The following MAST4 variants were observed in gnomAD, a reference collection of about 807,000 sequenced individuals.
The protein encoded by MAST4 is microtubule-associated serine/threonine-protein kinase 4.
MAST4 carries 89 observed loss-of-function variants against 162.7 expected under a neutral mutation model. The ratio of observed to expected loss-of-function variants is 0.55; its 90% confidence interval spans 0.46 to 0.65. MAST4 has a LOEUF of 0.65. MAST4 is among the 30% of genes least tolerant of loss of function. MAST4 has a pLI of 0.00. For missense variants in MAST4, 3,153 were observed against 3,374.0 expected (o/e 0.93, Z 1.62); for synonymous variants, 1,479 against 1,361.1 (o/e 1.09, Z -1.91).
chr5:66,817,556 TAAAG>T (rs1295072143), intron 3 of MAST4, among the ~76,000 whole-genome samples: 1 of 152,226 alleles, frequency 6.6e-6, no homozygotes, highest in African/African-American at 2.4e-5. Context: ...TTGCCTTACT[TAAAG>T]AATATTAATT....
chr5:66,664,260 A>AC (rs1473018609), intron 1 of MAST4, among the ~76,000 whole-genome samples: 1 of 151,736 alleles, frequency 6.6e-6, no homozygotes, highest in Non-Finnish European at 1.5e-5. Context: ...ACATGGTGAA[A>AC]CCCCGTCTCT....
At chr5:67,058,205 A>G (rs1759093923) in intron 5 of MAST4, among the ~76,000 whole-genome samples, 1 of 152,166 alleles carries the variant, frequency 6.6e-6, no homozygotes, top group Non-Finnish European at 1.5e-5. Flanking sequence ...ACTGAACTCC[A>G]CCATGGGTGG....
intron 3 of MAST4, among the ~76,000 whole-genome samples, chr5:66,871,622 C>T (rs1197203232): frequency 2.0e-5 from 3 of 152,166 alleles, no homozygotes; most frequent in African/African-American, 4.8e-5. Context: ...CAGACAGGCA[C>T]GAAGCATTCA....
chr5:67,104,465 C>A lies in MAST4; in HGVS notation c.1246C>A (p.His416Asn). 1.2e-6 allele frequency: 2 copies of A among 1,613,828 alleles called. No homozygotes were observed. Among genetic ancestry groups the A allele is most frequent in the Non-Finnish European group, 1.7e-6 (2 of 1,179,790 alleles). Reference sequence around the variant, plus strand: ...AGATGGAGTGCTTAGTTTCACTCACCACCAGATTATTGAACTGGCTCGAGA... The same window carrying A: ...AGATGGAGTGCTTAGTTTCACTCACAACCAGATTATTGAACTGGCTCGAGA... ...LADGVLSFTHHQIIELARDCL... is the reference protein window; with the variant it reads ...LADGVLSFTHNQIIELARDCL... The change falls in exon 10 of 29, where the codon CAC (histidine) becomes AAC (asparagine). Residue 416 changes from histidine (H) to asparagine (N), a missense_variant. His to Asn is a moderately conservative substitution (Grantham distance 68). Transcript: ENST00000403625.
At chr5:67,041,460 G>C (rs1214411105) in intron 4 of MAST4, among the ~76,000 whole-genome samples, 1 of 152,048 alleles carries the variant, frequency 6.6e-6, no homozygotes, top group Non-Finnish European at 1.5e-5. Flanking sequence ...TGTATACCAG[G>C]GATAAAGACC....
intron 3 of MAST4, among the ~76,000 whole-genome samples, chr5:66,871,451 G>A (rs1273075904): frequency 6.6e-6 from 1 of 152,174 alleles, no homozygotes; most frequent in African/African-American, 2.4e-5. Context: ...TACGTGTTGA[G>A]AATAGTCTTA....
intron 5 of MAST4, among the ~76,000 whole-genome samples, chr5:67,080,309 G>T (rs145375042): frequency 2.6e-5 from 4 of 152,276 alleles, no homozygotes; most frequent in African/African-American, 9.6e-5. Context: ...TTCAAAGAGG[G>T]ATTTAAAGAC....
chr5:66,893,223 T>A (rs1465599492), intron 3 of MAST4, among the ~76,000 whole-genome samples: 1 of 152,214 alleles, frequency 6.6e-6, no homozygotes. Context: ...GTTGTTTTTT[T>A]AAGACAGAGT....
intron 1 of MAST4, among the ~76,000 whole-genome samples, chr5:66,686,101 C>T (rs1280040174): frequency 5.3e-5 from 8 of 152,060 alleles, no homozygotes; most frequent in Admixed American, 2.6e-4. Context: ...GCCTGGGTGT[C>T]GCGGACCTCT....
At chr5:66,716,389 G>A (rs1750841420) in intron 1 of MAST4, among the ~76,000 whole-genome samples, 1 of 152,114 alleles carries the variant, frequency 6.6e-6, no homozygotes, top group South Asian at 2.1e-4. Flanking sequence ...GTCTTACTCG[G>A]TTGCCCAGCC....
chr5:67,061,847 C>A (rs929508221), intron 5 of MAST4, among the ~76,000 whole-genome samples: 1 of 150,480 alleles, frequency 6.6e-6, no homozygotes, highest in Non-Finnish European at 1.5e-5. Flanking sequence ...AATCTGAATT[C>A]TTTCTAAACT....
chr5:67,131,660 A>AT (rs1768980576), intron 15 of MAST4, among the ~76,000 whole-genome samples, 153 bp from the exon 16 acceptor site: 1 of 152,234 alleles, frequency 6.6e-6, no homozygotes, highest in Admixed American at 6.5e-5. Context: ...CTTAGTTAGA[A>AT]ACATGATAGG....
chr5:67,166,207 C>T lies in MAST4; in HGVS notation c.7028C>T (p.Pro2343Leu), dbSNP rs1397924686. The change falls in exon 29 of 29, where the codon CCC becomes CTC. Residue 2343 changes from proline (P) to leucine (L), a missense_variant. Pro to Leu is a moderately conservative substitution (Grantham distance 98). This residue lies in a region of MAST4 where 1,644 missense variants were observed against 1,495.0 expected (regional missense o/e 1.10). Transcript: ENST00000403625. ...AAACCATCCACTGTGAAAGATTGCCCCACCCTGTGCAAACAGACAGACAAC... is the reference window on the plus strand; with the variant it reads ...AAACCATCCACTGTGAAAGATTGCCTCACCCTGTGCAAACAGACAGACAAC... The part of the protein sequence containing the change: ...HPKPSTVKDC[P>L]TLCKQTDNRQ... 2 of 1,552,794 alleles carry T rather than the reference C, an allele frequency of 1.3e-6. No individual in the cohort carries two copies. The highest frequency in any genetic ancestry group is 1.4e-5 in the African/African-American group (1 of 73,082).
chr5:66,913,554 G>C (rs1004616185), intron 4 of MAST4, among the ~76,000 whole-genome samples: 5 of 152,096 alleles, frequency 3.3e-5, no homozygotes, highest in African/African-American at 1.2e-4. Context: ...TATAGCTTTT[G>C]ACCATTATAA....
intron 3 of MAST4, among the ~76,000 whole-genome samples, chr5:66,835,538 T>C (rs1459745892): frequency 6.6e-6 from 1 of 152,044 alleles, no homozygotes; most frequent in Non-Finnish European, 1.5e-5. Context: ...AACAATAAAA[T>C]TATTTGAAAG....
At chr5:67,130,134 A>G in intron 14 of MAST4, 76 bp from the exon 15 acceptor site, 3 of 1,346,430 alleles carry the variant, frequency 2.2e-6, no homozygotes, top group East Asian at 5.0e-5. Flanking sequence ...TTGATGATTT[A>G]TATGGTTTAC....
At position 66,756,424 on chromosome 5, in the gene MAST4, C is replaced by T. The variant is rs538898779; in HGVS notation, c.364-3285C>T. Among the ~76,000 whole-genome samples the T allele has an allele frequency of 2.4e-4, 37 of 152,316 alleles. No individual in the cohort carries two copies. The South Asian group carries it at 2.5e-3, about 10-fold the overall frequency. On this transcript the variant is annotated intron_variant, in intron 1 of 28. Transcript: ENST00000403625. ...GGAGAGGAACCACAAGTATTTGAAG[C>T]AGGGGTATCATGCCCAGGCTTAGAT...
intron 1 of MAST4, among the ~76,000 whole-genome samples, chr5:66,649,625 C>T (rs1461341831): frequency 6.6e-6 from 1 of 152,184 alleles, no homozygotes; most frequent in African/African-American, 2.4e-5. Flanking sequence ...GAGGACTTCC[C>T]TGGTCCCATG....
In MAST4 at chr5:67,165,211, A is replaced by G; in HGVS notation, c.6032A>G (p.Asn2011Ser). The G allele has an allele frequency of 6.2e-7, 1 of 1,610,976 alleles. No individual in the cohort carries two copies. Among genetic ancestry groups the G allele is most frequent in the Non-Finnish European group, 8.5e-7 (1 of 1,178,644 alleles). ...CFPETAKTSD[N>S]SKNLLSVGRT... ...CCAGAAACTGCGAAAACCAGTGACAACTCCAAAAATCTCCTCTCTGTGGGA... is the reference window on the plus strand; with the variant it reads ...CCAGAAACTGCGAAAACCAGTGACAGCTCCAAAAATCTCCTCTCTGTGGGA... Residue 2011 changes from asparagine (N) to serine (S), a missense_variant, in exon 29 of 29, where the codon AAC (asparagine) becomes AGC (serine). By Grantham distance (46) the Asn-to-Ser change is conservative. Transcript: ENST00000403625.
Sources: gnomAD v4.1 joint callset for allele counts (sites outside exome capture counted in the v4.1 genomes callset) on GRCh38, gnomAD v4.1.1 for gene constraint, gnomAD v4.1.1 regional missense constraint, MANE v1.5 for transcripts, NCBI Gene and HGNC (gene_info 2026-07-23, HGNC 2026-07-21) for gene names.